The following MKLN1 variants were observed in gnomAD, a reference collection of about 807,000 sequenced individuals.
The protein encoded by MKLN1 is muskelin.
Under a neutral mutation model 99.0 loss-of-function variants are expected in MKLN1, and 18 were observed. The ratio of observed to expected loss-of-function variants is 0.18; its 90% CI spans 0.13 to 0.27. MKLN1 has a LOEUF of 0.27. Ranked by LOEUF, MKLN1 falls within the 10% of genes least tolerant of loss-of-function variation. The pLI is 1.00. For synonymous variants in MKLN1, 288 were observed against 293.2 expected, an observed-to-expected ratio of 0.98 and a Z score of 0.18; for missense variants, 621 against 875.9, an observed-to-expected ratio of 0.71 and a Z score of 3.67.
rs111892704 is a variant in MKLN1, at chr7:131,451,903, T to G, written c.1525+6000T>G. Among the ~76,000 whole-genome samples the G allele has an allele frequency of 3.1e-3, 472 of 152,334 alleles. 1 individual carries two copies. The highest frequency in any genetic ancestry group is 0.011 in the African/African-American group (450 of 41,582). On this transcript the variant is annotated intron_variant, in intron 12 of 17. Coordinates refer to ENST00000352689, the MANE Select transcript of MKLN1 (RefSeq NM_013255.5). ...TCTATAGAAACTCAGTCTACTATAG[T>G]AAGAGTGCTTTCTCCTGTTCGTATT... is the stretch of plus-strand genomic sequence containing the variant.
intron 12 of MKLN1, among the ~76,000 whole-genome samples, chr7:131,462,356 GTTA>G (rs1796540128): frequency 6.6e-6 from 1 of 152,126 alleles, no homozygotes; most frequent in African/African-American, 2.4e-5. Flanking sequence ...ATTTTTGGAA[GTTA>G]TTATATGTGA....
intron 1 of MKLN1, among the ~76,000 whole-genome samples, chr7:131,111,142 T>C (rs1331746498): frequency 1.3e-5 from 2 of 152,196 alleles, no homozygotes; most frequent in African/African-American, 4.8e-5. Flanking sequence ...TTTTTTTATG[T>C]CAGTCATACA....
At chr7:131,480,657 C>G (rs768139612) in intron 17 of MKLN1, among the ~76,000 whole-genome samples, 23 of 152,206 alleles carry the variant, frequency 1.5e-4, no homozygotes, top group African/African-American at 5.5e-4. Flanking sequence ...AGACCTTAGG[C>G]TACTAGAAAT....
At chr7:131,204,083 T>A (rs576500678) in intron 3 of MKLN1, among the ~76,000 whole-genome samples, 2 of 152,202 alleles carry the variant, frequency 1.3e-5, no homozygotes, top group Non-Finnish European at 2.9e-5. Context: ...ACTTCCTAAA[T>A]TGGAATGTTC....
intron 1 of MKLN1, among the ~76,000 whole-genome samples, chr7:131,123,093 A>G (rs1243368172): frequency 1.3e-5 from 2 of 151,066 alleles, no homozygotes; most frequent in African/African-American, 4.8e-5. Flanking sequence ...TCAAAGAAGG[A>G]CATGTTTGAC....
At chr7:131,114,304 T>A (rs1584768170) in intron 1 of MKLN1, among the ~76,000 whole-genome samples, 2 of 151,976 alleles carry the variant, frequency 1.3e-5, no homozygotes, top group Admixed American at 1.3e-4. Flanking sequence ...AGGTAATTAG[T>A]TTAGTTTTCA....
chr7:131,460,811 A>G (rs771466868), intron 12 of MKLN1, among the ~76,000 whole-genome samples: 2 of 152,226 alleles, frequency 1.3e-5, no homozygotes, highest in Non-Finnish European at 2.9e-5. Context: ...TTTTAATTCA[A>G]AGGCTCACTA....
chr7:131,408,339 T>TA (rs1563333555), intron 6 of MKLN1, among the ~76,000 whole-genome samples: 1 of 152,212 alleles, frequency 6.6e-6, no homozygotes, highest in East Asian at 1.9e-4. Flanking sequence ...TTCTTTTTGA[T>TA]CTAATCATTC....
chr7:131,425,364 T>G (rs1344951253), intron 8 of MKLN1, among the ~76,000 whole-genome samples: 1 of 152,184 alleles, frequency 6.6e-6, no homozygotes, highest in Non-Finnish European at 1.5e-5. Flanking sequence ...ATGAAATCTC[T>G]TCTGAGTCCC....
upstream of MKLN1, chr7:131,327,793 C>CGCGGGCGGCCGGGGAGG: frequency 6.9e-7 from 1 of 1,450,908 alleles, no homozygotes; most frequent in Middle Eastern, 2.5e-4. Flanking sequence ...GGGCGGGGAG[C>CGCGGGCGGCCGGGGAGG]GCGGGCGGCC....
At chr7:131,345,025 C>T (rs969551449) in intron 1 of MKLN1, among the ~76,000 whole-genome samples, 2 of 152,128 alleles carry the variant, frequency 1.3e-5, no homozygotes, top group Non-Finnish European at 2.9e-5. Context: ...AGGCTGGTCT[C>T]GAACTCCTGA....
At chr7:131,240,211 T>C (rs560650842) in intron 3 of MKLN1, among the ~76,000 whole-genome samples, 1 of 152,122 alleles carries the variant, frequency 6.6e-6, no homozygotes, top group South Asian at 2.1e-4. Flanking sequence ...TGGTGACTAT[T>C]ATAAGTAAAG....
intron 12 of MKLN1, 46 bp downstream of exon 12, chr7:131,445,949 G>A (rs780595971): frequency 3.1e-5 from 41 of 1,335,296 alleles, no homozygotes; most frequent in Non-Finnish European, 4.2e-5. Context: ...AACTACTTTA[G>A]GTAGAAAACT....
intron 8 of MKLN1, among the ~76,000 whole-genome samples, chr7:131,416,034 A>G (rs1414152707): frequency 6.6e-6 from 1 of 152,000 alleles, no homozygotes; most frequent in Admixed American, 6.6e-5. Flanking sequence ...GGGCTCAAGC[A>G]GTCCGCCTGC....
chr7:131,411,459 A>G (rs2116326997), intron 7 of MKLN1, 76 bp downstream of exon 7: 1 of 955,720 alleles, frequency 1.0e-6, no homozygotes, highest in Non-Finnish European at 1.7e-6. Context: ...TAGTTCAAGT[A>G]TCATAGTACT....
intron 8 of MKLN1, among the ~76,000 whole-genome samples, chr7:131,418,976 G>T (rs1358314705): frequency 6.6e-6 from 1 of 152,090 alleles, no homozygotes; most frequent in Non-Finnish European, 1.5e-5. Flanking sequence ...CTCTGATCAA[G>T]AGAAAACAAA....
intron 3 of MKLN1, among the ~76,000 whole-genome samples, chr7:131,224,712 G>A (rs1225701831): frequency 1.3e-5 from 2 of 151,688 alleles, no homozygotes; most frequent in South Asian, 2.1e-4. Context: ...GACAGAGTGA[G>A]ACCCTGTCTC....
intron 6 of MKLN1, among the ~76,000 whole-genome samples, chr7:131,405,778 G>A (rs456023): frequency 6.6e-6 from 1 of 152,240 alleles, no homozygotes; most frequent in South Asian, 2.1e-4. Context: ...ATAGGGGCCA[G>A]AGTGCATATC....
chr7:131,142,135 C>T (rs1477763513), intron 1 of MKLN1, among the ~76,000 whole-genome samples: 14 of 151,642 alleles, frequency 9.2e-5, no homozygotes, highest in South Asian at 2.1e-4. Flanking sequence ...AGGCAGGGCA[C>T]GGTGGCTCAC....
Sources: gnomAD v4.1 joint callset for allele counts (sites outside exome capture counted in the v4.1 genomes callset) on GRCh38, gnomAD v4.1.1 for gene constraint, MANE v1.5 for transcripts, NCBI Gene and HGNC (gene_info 2026-07-23, HGNC 2026-07-21) for gene names.